Variants in ST6GAL1 observed in about 807,000 individuals in gnomAD.
The protein encoded by ST6GAL1 is ST6 beta-galactoside alpha-2,6-sialyltransferase 1, also known as beta-galactoside alpha-2,6-sialyltransferase 1.
ST6GAL1 carries 20 observed loss-of-function variants against 38.0 expected under a neutral mutation model. The observed-to-expected ratio is 0.53, with a 90% CI of 0.37 to 0.77. ST6GAL1 has a LOEUF of 0.77. Among genes scored for constraint, ST6GAL1 ranks in the 30% least tolerant of loss-of-function variants. The pLI is 0.00. For missense variants in ST6GAL1, 432 were observed against 496.4 expected, an observed-to-expected ratio of 0.87 and a Z score of 1.23; for synonymous variants, 196 against 188.2, an observed-to-expected ratio of 1.04 and a Z score of -0.34.
chr3:187,071,747 C>G (rs1159134760), intron 5 of ST6GAL1, among the ~76,000 whole-genome samples: 9 of 129,940 alleles, frequency 6.9e-5, no homozygotes, highest in Admixed American at 1.7e-4. Context: ...GCGACACAGG[C>G]TGTGTCGCCT....
chr3:187,024,696 C>T (rs1359683557), intron 2 of ST6GAL1: 1 of 151,918 alleles, frequency 6.6e-6, no homozygotes, highest in East Asian at 1.9e-4. Context: ...ACATAAGCCA[C>T]TCCACAGGAG....
At chr3:186,970,066 C>G (rs1317008361) in intron 2 of ST6GAL1, among the ~76,000 whole-genome samples, 1 of 152,080 alleles carries the variant, frequency 6.6e-6, no homozygotes, top group Non-Finnish European at 1.5e-5. Context: ...TTTCTTGTTT[C>G]TTCTTACATA....
intron 6 of ST6GAL1, chr3:187,073,469 G>T (rs2268528): frequency 1.2e-5 from 2 of 162,568 alleles, no homozygotes; most frequent in Admixed American, 5.9e-5. Context: ...CTAAGCAGAA[G>T]GCGCAGATCT....
intron 1 of ST6GAL1, among the ~76,000 whole-genome samples, chr3:186,953,052 T>C (rs1186066446): frequency 2.6e-5 from 4 of 152,226 alleles, no homozygotes; most frequent in Admixed American, 2.0e-4. Flanking sequence ...AAATTCATGT[T>C]GGTCCAGGAC....
intron 5 of ST6GAL1, among the ~76,000 whole-genome samples, chr3:187,070,986 C>T (rs566361604): frequency 6.6e-6 from 1 of 152,318 alleles, no homozygotes; most frequent in Admixed American, 6.5e-5. Context: ...AACTTCCTTA[C>T]ATCTGTAGGA....
At chr3:187,018,516 T>A (rs1006093478) in intron 2 of ST6GAL1, among the ~76,000 whole-genome samples, 3 of 151,656 alleles carry the variant, frequency 2.0e-5, no homozygotes, top group African/African-American at 7.3e-5. Flanking sequence ...GAACTTGGAG[T>A]CTGATGTTCG....
At chr3:187,066,008 C>T (rs890937512) in intron 5 of ST6GAL1, among the ~76,000 whole-genome samples, 1 of 151,268 alleles carries the variant, frequency 6.6e-6, no homozygotes, top group African/African-American at 2.4e-5. Context: ...TTTAAATCAC[C>T]AAAGCTTTCT....
At chr3:187,019,937 G>A (rs529842386) in intron 2 of ST6GAL1, among the ~76,000 whole-genome samples, 107 of 152,336 alleles carry the variant, frequency 7.0e-4, no homozygotes, top group Non-Finnish European at 1.2e-3. Flanking sequence ...AGAGAGGCTC[G>A]CAGTAGCCCT....
intron 5 of ST6GAL1, among the ~76,000 whole-genome samples, chr3:187,070,252 T>C (rs939986609): frequency 4.0e-5 from 6 of 151,804 alleles, no homozygotes; most frequent in Non-Finnish European, 8.8e-5. Flanking sequence ...AAACCAGAGG[T>C]GTTGGTGGTC....
At position 187,053,493 on chromosome 3, in the gene ST6GAL1, A is replaced by G. The variant is rs182945748; in HGVS notation, c.705+2147A>G. Reference sequence around the variant, plus strand: ...TTTTTGTGTAAGGTGTAAGGAAGGGATCCAGTTTCAGCTTTCTACATATGG... The same window carrying G: ...TTTTTGTGTAAGGTGTAAGGAAGGGGTCCAGTTTCAGCTTTCTACATATGG... On this transcript the variant is annotated intron_variant, in intron 5 of 7. Coordinates refer to ENST00000169298, the MANE Select transcript of ST6GAL1 (RefSeq NM_173216.2). Among the ~76,000 whole-genome samples, 671 of 152,240 alleles carry G rather than the reference A, an allele frequency of 4.4e-3. 9 individuals carry two copies. The highest frequency in any genetic ancestry group is 0.016 in the African/African-American group (654 of 41,542).
intron 2 of ST6GAL1, among the ~76,000 whole-genome samples, chr3:186,972,181 C>G (rs1187940094): frequency 1.3e-5 from 2 of 152,032 alleles, no homozygotes; most frequent in African/African-American, 4.8e-5. Context: ...GGAATTTGAA[C>G]CTGGGGAGTA....
intron 4 of ST6GAL1, chr3:187,043,693 GT>G (rs1264575301): frequency 6.5e-6 from 1 of 154,754 alleles, no homozygotes; most frequent in Non-Finnish European, 1.4e-5. Flanking sequence ...ATTTTCATCT[GT>G]TTTAAATATT....
In ST6GAL1 at chr3:187,077,144, G is replaced by C. The variant is rs1484204629; in HGVS notation, c.*1341G>C. On this transcript the variant is annotated 3_prime_UTR_variant, in exon 8 of 8. Coordinates refer to ENST00000169298, the MANE Select transcript of ST6GAL1 (RefSeq NM_173216.2). ...GGAGATCAGAACTGATTCTCACCAGGTGTGAGAGGTGTGGTAGCAGATTGC... is the reference window on the plus strand; with the variant it reads ...GGAGATCAGAACTGATTCTCACCAGCTGTGAGAGGTGTGGTAGCAGATTGC... 2.5e-6 allele frequency: 1 copy of C among 397,196 alleles called. No homozygotes were observed. The highest frequency in any genetic ancestry group is 4.4e-6 in the Non-Finnish European group (1 of 225,472). 24.6% of individuals were successfully genotyped at this position (397,196 alleles called of 1,614,324 possible). A position where few individuals can be genotyped will look rare whatever the true frequency, so the allele number is the denominator to read the frequency against.
Position 186,995,533 on chromosome 3 carries a change from A to T in ST6GAL1, c.-183+31607A>T, listed in dbSNP as rs144315855. Among the ~76,000 whole-genome samples, 910 of 148,910 alleles carry T rather than the reference A, an allele frequency of 6.1e-3. 28 individuals are homozygous for T. The highest frequency in any genetic ancestry group is 0.021 in the African/African-American group (860 of 40,334). On this transcript the variant is annotated intron_variant, in intron 2 of 7. Coordinates refer to ENST00000169298, the MANE Select transcript of ST6GAL1 (RefSeq NM_173216.2). Reference sequence around the variant, plus strand: ...AAAAAAAATAATAATAAAATAAAAAAAAAATAAAGAAATTGTTAAAATGCA... The same window carrying T: ...AAAAAAAATAATAATAAAATAAAAATAAAATAAAGAAATTGTTAAAATGCA...
At chr3:187,051,116 C>T (rs985245805) in intron 4 of ST6GAL1, 133 bp from the exon 5 acceptor site, 31 of 753,366 alleles carry the variant, frequency 4.1e-5, no homozygotes, top group Non-Finnish European at 6.5e-5. Flanking sequence ...ACTGCCATTT[C>T]GCCCTGTGGA....
At chr3:186,989,669 A>AT (rs1434321080) in intron 2 of ST6GAL1, among the ~76,000 whole-genome samples, 2 of 152,250 alleles carry the variant, frequency 1.3e-5, no homozygotes, top group African/African-American at 4.8e-5. Flanking sequence ...AAAGCTAATG[A>AT]TTAAAAGCTT....
At chr3:186,991,068 C>G (rs1716152265) in intron 2 of ST6GAL1, among the ~76,000 whole-genome samples, 1 of 152,102 alleles carries the variant, frequency 6.6e-6, no homozygotes. Flanking sequence ...CTCATGTGGT[C>G]AGGATTTTTC....
chr3:186,979,432 T>G (rs970114829), intron 2 of ST6GAL1, among the ~76,000 whole-genome samples: 2 of 152,138 alleles, frequency 1.3e-5, no homozygotes, highest in Non-Finnish European at 2.9e-5. Context: ...AGACTCAAAC[T>G]CTGTGCCTGA....
At chr3:186,973,040 T>A (rs1715402539) in intron 2 of ST6GAL1, among the ~76,000 whole-genome samples, 1 of 152,152 alleles carries the variant, frequency 6.6e-6, no homozygotes, top group Admixed American at 6.6e-5. Flanking sequence ...ATTTATTCAT[T>A]ATTTTTATTT....
Sources: gnomAD v4.1 joint callset for allele counts (sites outside exome capture counted in the v4.1 genomes callset) on GRCh38, gnomAD v4.1.1 for gene constraint, MANE v1.5 for transcripts, NCBI Gene and HGNC (gene_info 2026-07-23, HGNC 2026-07-21) for gene names.